Variants in MAP7 observed in about 807,000 individuals in gnomAD.
MAP7 encodes the protein ensconsin.
A neutral mutation model predicts 94.8 loss-of-function variants in MAP7; 52 were observed. The ratio of observed to expected loss-of-function variants is 0.55; its 90% confidence interval spans 0.44 to 0.69. The LOEUF (loss-of-function observed/expected upper bound fraction) is 0.69, where lower values mean the gene tolerates loss of function less well. Ranked by LOEUF, MAP7 falls within the 30% of genes least tolerant of loss-of-function variation. The probability of loss-of-function intolerance (pLI) is 0.00; values close to 1 mark genes in which losing one functional copy is unlikely to be tolerated. For synonymous variants in MAP7, 350 were observed against 357.0 expected, an observed-to-expected ratio of 0.98 and a Z score of 0.22; for missense variants, 940 against 964.6, an observed-to-expected ratio of 0.97 and a Z score of 0.34.
Position 136,378,325 on chromosome 6 carries a change from C to T in MAP7, c.638-457G>A, listed in dbSNP as rs187138916. 1.0e-3 allele frequency among the ~76,000 whole-genome samples: 154 copies of T among 152,030 alleles called. 1 individual carries two copies. Among genetic ancestry groups the T allele is most frequent in the African/African-American group, 3.5e-3 (147 of 41,422 alleles). On this transcript the variant is annotated intron_variant, in intron 6 of 17. Coordinates refer to ENST00000354570, the MANE Select transcript of MAP7 (RefSeq NM_003980.6). ...GAGGCACTGGCAGGTTAATGAAAGACGAGTTAAATAAAAGACAGAAAGGGG... is the reference window on the plus strand; with the variant it reads ...GAGGCACTGGCAGGTTAATGAAAGATGAGTTAAATAAAAGACAGAAAGGGG...
At chr6:136,398,386 A>G (rs1483849430) in intron 3 of MAP7, among the ~76,000 whole-genome samples, 1 of 152,224 alleles carries the variant, frequency 6.6e-6, no homozygotes, top group Admixed American at 6.5e-5. Flanking sequence ...GCAGGGATTC[A>G]ATAAATGCAG....
chr6:136,418,094 C>T (rs1790094498), intron 2 of MAP7, among the ~76,000 whole-genome samples: 1 of 152,182 alleles, frequency 6.6e-6, no homozygotes, highest in African/African-American at 2.4e-5. Flanking sequence ...TACAAACTGT[C>T]TGTTTTGGTC....
At chr6:136,444,985 C>G (rs1290639836) in intron 1 of MAP7, among the ~76,000 whole-genome samples, 2 of 152,174 alleles carry the variant, frequency 1.3e-5, no homozygotes, top group Admixed American at 6.5e-5. Flanking sequence ...ACTAACTGCT[C>G]AAGCCTACAC....
chr6:136,490,743 C>G (rs1816320700), intron 1 of MAP7, among the ~76,000 whole-genome samples: 2 of 152,154 alleles, frequency 1.3e-5, no homozygotes. Context: ...GCCTGTCTCC[C>G]CAGCTACCTA....
chr6:136,363,544 C>T lies in MAP7; in HGVS notation c.1274-842G>A, dbSNP rs144980856. On this transcript the variant is annotated intron_variant, in intron 10 of 17. Transcript: ENST00000354570. ...TTCCATGGAAACAAATACTGGACTC[C>T]TCCTTTTTCTAACATTTTAACCTGT... Among the ~76,000 whole-genome samples, 225 of 152,322 alleles carry T rather than the reference C, an allele frequency of 1.5e-3. 1 individual carries two copies. Among genetic ancestry groups the T allele is most frequent in the Non-Finnish European group, 2.4e-3 (160 of 68,022 alleles).
intron 1 of MAP7, among the ~76,000 whole-genome samples, chr6:136,533,544 G>A (rs918951221): frequency 6.6e-6 from 1 of 152,180 alleles, no homozygotes; most frequent in Admixed American, 6.5e-5. Context: ...AATCCCATCT[G>A]TGTTAGTCCG....
chr6:136,384,013 T>C (rs747539474), intron 5 of MAP7, among the ~76,000 whole-genome samples: 31 of 152,156 alleles, frequency 2.0e-4, no homozygotes, highest in Non-Finnish European at 4.3e-4. Context: ...TTGTCAGCCA[T>C]GGAAATTCAA....
Position 136,544,577 on chromosome 6 carries a change from C to T in MAP7, c.67+5765G>A, listed in dbSNP as rs556102604. On this transcript the variant is annotated intron_variant, in intron 1 of 17. Transcript: ENST00000354570. ...TTTGCTGGCTCTTCCTCCTCCCATGCTTTACAGGTCGTCTCACCCCTTTGT... is the reference window on the plus strand; with the variant it reads ...TTTGCTGGCTCTTCCTCCTCCCATGTTTTACAGGTCGTCTCACCCCTTTGT... Among the ~76,000 whole-genome samples, 6 of 152,288 alleles carry T rather than the reference C, an allele frequency of 3.9e-5. No individual in the cohort carries two copies. In the East Asian group the frequency reaches 1.2e-3, roughly 29 times the overall value.
chr6:136,484,620 A>G (rs889265139), intron 1 of MAP7, among the ~76,000 whole-genome samples: 1 of 152,220 alleles, frequency 6.6e-6, no homozygotes, highest in Non-Finnish European at 1.5e-5. Context: ...TTGAATATAG[A>G]TATTTGTTCA....
chr6:136,543,649 G>A (rs184924249), intron 1 of MAP7, among the ~76,000 whole-genome samples: 316 of 151,540 alleles, frequency 2.1e-3, no homozygotes, highest in Middle Eastern at 3.4e-3. Flanking sequence ...GTAAAACTCC[G>A]TCTCACAAAA....
chr6:136,544,762 T>C (rs1829589413), intron 1 of MAP7, among the ~76,000 whole-genome samples: 1 of 152,220 alleles, frequency 6.6e-6, no homozygotes, highest in Non-Finnish European at 1.5e-5. Flanking sequence ...CACATTTTCA[T>C]GTCTAAAGCA....
chr6:136,390,195 A>G (rs1045679429), intron 3 of MAP7, among the ~76,000 whole-genome samples: 1 of 152,242 alleles, frequency 6.6e-6, no homozygotes, highest in Non-Finnish European at 1.5e-5. Context: ...AGGAAAAGAT[A>G]TGCCCCCTCA....
chr6:136,383,801 TG>T lies in MAP7; in HGVS notation c.527-21del. 6.9e-7 allele frequency: 1 copy of T among 1,451,560 alleles called. No homozygotes were observed. The highest frequency in any genetic ancestry group is 1.2e-5 in the South Asian group (1 of 86,356). 89.9% of individuals were successfully genotyped at this position (1,451,560 alleles called of 1,614,324 possible). On this transcript the variant is annotated intron_variant, in intron 5 of 17. Coordinates refer to ENST00000354570, the MANE Select transcript of MAP7 (RefSeq NM_003980.6). ...CTGGATCTAAAACAAATGGAGATAA[TG>T]CTAATTGACAGCCAACATGTAGGAT...
intron 1 of MAP7, among the ~76,000 whole-genome samples, chr6:136,486,544 G>A: frequency 6.6e-6 from 1 of 152,214 alleles, no homozygotes; most frequent in East Asian, 1.9e-4. Flanking sequence ...ATAGGCAGAA[G>A]AGACACTGAC....
At chr6:136,535,829 G>A (rs1163928997) in intron 1 of MAP7, among the ~76,000 whole-genome samples, 3 of 150,170 alleles carry the variant, frequency 2.0e-5, no homozygotes, top group African/African-American at 7.4e-5. Context: ...CCTGTGCCAT[G>A]TTGGTGTGCT....
intron 2 of MAP7, among the ~76,000 whole-genome samples, chr6:136,412,150 G>C (rs73565447): frequency 0.01 from 1,555 of 152,222 alleles, 21 homozygotes; most frequent in East Asian, 0.039. Flanking sequence ...CGCCGGCCAA[G>C]GTACTTACCC....
chr6:136,445,669 C>T (rs1385381307), intron 1 of MAP7, among the ~76,000 whole-genome samples: 1 of 152,130 alleles, frequency 6.6e-6, no homozygotes, highest in African/African-American at 2.4e-5. Context: ...CATGAACTTG[C>T]CAAGGAGTGA....
In MAP7 at chr6:136,411,695, G is replaced by T. The variant is rs376104256; in HGVS notation, c.169C>A (p.Pro57Thr). The T allele has an allele frequency of 5.1e-6, 8 of 1,561,312 alleles. No homozygotes were observed. The highest frequency in any genetic ancestry group is 6.9e-6 in the Non-Finnish European group (8 of 1,151,750). ...NNNHSGNKPD[P>T]PPVLRVDDRQ... ...TCATCAACACGTAACACAGGCGGAG[G>T]GTCTGAAAGCGAGATTAAAAAAAAC... The change falls in exon 3 of 18, where the codon CCT becomes ACT. Residue 57 changes from proline to threonine, a missense_variant and splice_region_variant. Pro to Thr is a conservative substitution (Grantham distance 38, BLOSUM62 -1). Transcript: ENST00000354570.
chr6:136,452,307 A>G (rs1171010674), intron 1 of MAP7, among the ~76,000 whole-genome samples: 1 of 152,228 alleles, frequency 6.6e-6, no homozygotes. Flanking sequence ...GATGGAAGCT[A>G]CTCCTGGTGA....
Sources: gnomAD v4.1 joint callset for allele counts (sites outside exome capture counted in the v4.1 genomes callset) on GRCh38, gnomAD v4.1.1 for gene constraint, MANE v1.5 for transcripts, NCBI Gene and HGNC (gene_info 2026-07-23, HGNC 2026-07-21) for gene names.